HCRTR2: variants seen among roughly 807,000 people sequenced by gnomAD.
The protein encoded by HCRTR2 is hypocretin receptor 2, also known as orexin receptor type 2.
Under a neutral mutation model 49.0 loss-of-function variants are expected in HCRTR2, and 22 were observed. The observed-to-expected ratio is 0.45, with a 90% CI of 0.32 to 0.64. The LOEUF is 0.64. Ranked by LOEUF, HCRTR2 falls within the 30% of genes least tolerant of loss-of-function variation. The pLI is 0.04. For missense variants in HCRTR2, 491 were observed against 559.4 expected, an observed-to-expected ratio of 0.88 and a Z score of 1.23; for synonymous variants, 236 against 205.3, an observed-to-expected ratio of 1.15 and a Z score of -1.28.
At chr6:55,141,084 C>T (rs534121942) in intron 1 of HCRTR2, among the ~76,000 whole-genome samples, 2 of 151,792 alleles carry the variant, frequency 1.3e-5, no homozygotes, top group East Asian at 1.9e-4. Flanking sequence ...CCTGTAATCC[C>T]AGCACTTTGG....
At chr6:55,276,664 A>C (rs780127663) in intron 4 of HCRTR2, among the ~76,000 whole-genome samples, 21 of 152,210 alleles carry the variant, frequency 1.4e-4, no homozygotes, top group Admixed American at 4.6e-4. Context: ...TTTGAAAAGA[A>C]ATGGAAAAGT....
intron 1 of HCRTR2, among the ~76,000 whole-genome samples, chr6:55,150,316 C>CTTA (rs199943904): frequency 0.02 from 2,940 of 147,294 alleles, 184 homozygotes; most frequent in Admixed American, 0.14. Flanking sequence ...CTTGTTCTTT[C>CTTA]TTCTTATTAT....
rs61667408 is a variant in HCRTR2, at chr6:55,274,239, G to GTATATATATATATATATATATA, written c.763-3123_763-3122insTATATATATATATATATATATA. Reference sequence around the variant, plus strand: ...TCTCTGCAATGTTTCATCATTTTCAGTATATATATATATATATAATGAAAT... The same window carrying GTATATATATATATATATATATA: ...TCTCTGCAATGTTTCATCATTTTCAGTATATATATATATATATATATATATATATATATATATATAATGAAAT... On this transcript the variant is annotated intron_variant, in intron 4 of 6. Coordinates refer to ENST00000370862, the MANE Select transcript of HCRTR2 (RefSeq NM_001384272.1). 1.7e-3 allele frequency among the ~76,000 whole-genome samples: 207 copies of GTATATATATATATATATATATA among 119,474 alleles called. 1 individual carries two copies. Among genetic ancestry groups the GTATATATATATATATATATATA allele is most frequent in the African/African-American group, 6.1e-3 (201 of 32,882 alleles). The allele number at this position is 119,474 out of a possible 152,430, so 78.4% of individuals were successfully genotyped here.
intron 1 of HCRTR2, among the ~76,000 whole-genome samples, chr6:55,231,353 T>C (rs1167022327): frequency 6.6e-6 from 1 of 152,162 alleles, no homozygotes; most frequent in Non-Finnish European, 1.5e-5. Context: ...TACTCTCTTT[T>C]AAGAGAAGTA....
intron 1 of HCRTR2, among the ~76,000 whole-genome samples, chr6:55,213,903 C>A (rs778634508): frequency 9.2e-5 from 14 of 151,590 alleles, no homozygotes; most frequent in Non-Finnish European, 1.9e-4. Flanking sequence ...ACCCTTAACT[C>A]TCAAGGTTTT....
intron 1 of HCRTR2, among the ~76,000 whole-genome samples, chr6:55,136,188 G>C (rs1338748033): frequency 2.6e-5 from 4 of 151,994 alleles, no homozygotes; most frequent in African/African-American, 9.7e-5. Flanking sequence ...AAATATAAGG[G>C]AGTGTCTTTA....
chr6:55,154,937 C>G (rs1178369667), intron 1 of HCRTR2, among the ~76,000 whole-genome samples: 1 of 151,652 alleles, frequency 6.6e-6, no homozygotes, highest in Non-Finnish European at 1.5e-5. Flanking sequence ...ATAATAGCAA[C>G]AAACTATTTC....
chr6:55,221,353 A>T (rs1765886347), intron 1 of HCRTR2, among the ~76,000 whole-genome samples: 1 of 152,216 alleles, frequency 6.6e-6, no homozygotes, highest in African/African-American at 2.4e-5. Context: ...AAACCAGCAT[A>T]GCGAGCCCAG....
At chr6:55,156,424 TA>T (rs1764731171) in intron 1 of HCRTR2, among the ~76,000 whole-genome samples, 1 of 152,100 alleles carries the variant, frequency 6.6e-6, no homozygotes, top group Non-Finnish European at 1.5e-5. Flanking sequence ...ATGAAGAATC[TA>T]AAACTCTAAA....
chr6:55,264,185 T>C (rs1472856257), intron 4 of HCRTR2, among the ~76,000 whole-genome samples: 1 of 152,084 alleles, frequency 6.6e-6, no homozygotes, highest in East Asian at 1.9e-4. Flanking sequence ...TAAAAATTCC[T>C]TTAGAGATTT....
intron 2 of HCRTR2, among the ~76,000 whole-genome samples, chr6:55,250,920 C>T (rs949997457): frequency 3.9e-5 from 6 of 152,070 alleles, no homozygotes; most frequent in Non-Finnish European, 8.8e-5. Flanking sequence ...TTTGTTACCC[C>T]ATCTAACATT....
At chr6:55,248,066 G>T (rs889839995) in intron 1 of HCRTR2, among the ~76,000 whole-genome samples, 1 of 152,098 alleles carries the variant, frequency 6.6e-6, no homozygotes, top group African/African-American at 2.4e-5. Flanking sequence ...AAATGTGGGT[G>T]ATATCATTGT....
chr6:55,206,958 CCT>C (rs1765612936), intron 1 of HCRTR2, among the ~76,000 whole-genome samples: 3 of 152,006 alleles, frequency 2.0e-5, no homozygotes, highest in Non-Finnish European at 4.4e-5. Context: ...TCATTATATT[CCT>C]CTCTTTACAA....
chr6:55,225,865 A>G (rs186467024), intron 1 of HCRTR2, among the ~76,000 whole-genome samples: 1 of 152,234 alleles, frequency 6.6e-6, no homozygotes, highest in African/African-American at 2.4e-5. Flanking sequence ...TTCACATTAT[A>G]TAAGGATCTT....
At chr6:55,113,111 C>A (rs773537357) in intron 1 of HCRTR2, among the ~76,000 whole-genome samples, 3 of 152,030 alleles carry the variant, frequency 2.0e-5, no homozygotes, top group Non-Finnish European at 4.4e-5. Flanking sequence ...CATTTCTCAC[C>A]TTATACAAAA....
intron 1 of HCRTR2, among the ~76,000 whole-genome samples, chr6:55,200,700 T>G (rs1480250178): frequency 1.3e-5 from 2 of 152,216 alleles, no homozygotes; most frequent in Non-Finnish European, 2.9e-5. Context: ...TTGGTATTCA[T>G]GACAAGACAA....
At chr6:55,259,643 T>C (rs1207396264) in intron 3 of HCRTR2, among the ~76,000 whole-genome samples, 1 of 146,646 alleles carries the variant, frequency 6.8e-6, no homozygotes, top group Non-Finnish European at 1.5e-5. Context: ...CATTTGTTCC[T>C]TATTAGTTAG....
intron 1 of HCRTR2, among the ~76,000 whole-genome samples, chr6:55,210,121 G>T (rs1392899602): frequency 6.6e-6 from 1 of 152,064 alleles, no homozygotes; most frequent in Non-Finnish European, 1.5e-5. Context: ...TGGAAACTCA[G>T]TATGGCCACT....
intron 1 of HCRTR2, among the ~76,000 whole-genome samples, chr6:55,117,484 G>A (rs1391704264): frequency 2.0e-5 from 3 of 151,416 alleles, no homozygotes; most frequent in Non-Finnish European, 4.4e-5. Context: ...ATTTTGCATT[G>A]TGCATACAAT....
Sources: allele counts gnomAD v4.1 joint callset (sites outside exome capture counted in the v4.1 genomes callset), GRCh38; gene constraint gnomAD v4.1.1; transcripts MANE v1.5; gene names NCBI Gene and HGNC (gene_info 2026-07-23, HGNC 2026-07-21).